MANBA: variants seen among roughly 807,000 people sequenced by gnomAD.
MANBA encodes the protein mannosidase beta.
A neutral mutation model predicts 111.1 loss-of-function variants in MANBA; 83 were observed. That is an observed-to-expected ratio of 0.75 (90% CI 0.63 to 0.90). The LOEUF (loss-of-function observed/expected upper bound fraction) is 0.90. Ranked by LOEUF, MANBA falls within the 40% of genes least tolerant of loss-of-function variation. The pLI, the probability that MANBA is intolerant of heterozygous loss-of-function variation, is 0.00. For synonymous variants in MANBA, 370 were observed against 378.7 expected, an observed-to-expected ratio of 0.98 and a Z score of 0.27; for missense variants, 1,036 against 1,069.0, an observed-to-expected ratio of 0.97 and a Z score of 0.43.
intron 1 of MANBA, among the ~76,000 whole-genome samples, chr4:102,756,796 C>CT (rs1444719425): frequency 1.5e-4 from 9 of 60,952 alleles, no homozygotes; most frequent in African/African-American, 3.4e-4. Context: ...CAGAGACTAT[C>CT]TAAAAAAAAA....
intron 7 of MANBA, among the ~76,000 whole-genome samples, chr4:102,689,359 A>AATAT (rs1192229674): frequency 3.4e-4 from 34 of 100,408 alleles, no homozygotes; most frequent in Non-Finnish European, 4.3e-4. Flanking sequence ...AAAAAAAAAA[A>AATAT]ATATATATAT....
At chr4:102,699,436 A>G (rs896376861) in intron 5 of MANBA, among the ~76,000 whole-genome samples, 198 of 152,060 alleles carry the variant, frequency 1.3e-3, no homozygotes, top group African/African-American at 4.5e-3. Flanking sequence ...GTCTTGTGCC[A>G]GTTTTCAAAG....
intron 1 of MANBA, chr4:102,730,763 T>C: frequency 8.3e-6 from 4 of 482,684 alleles, no homozygotes; most frequent in South Asian, 6.2e-5. Context: ...AATAAGTCTT[T>C]CTGAGTTTCT....
chr4:102,647,214 T>A (rs921637743), intron 13 of MANBA, among the ~76,000 whole-genome samples: 16 of 148,970 alleles, frequency 1.1e-4, no homozygotes, highest in African/African-American at 3.7e-4. Context: ...AATAAAATAA[T>A]CATAATCCTG....
chr4:102,714,115 A>G (rs1422701217), intron 5 of MANBA, among the ~76,000 whole-genome samples: 1 of 152,134 alleles, frequency 6.6e-6, no homozygotes, highest in Non-Finnish European at 1.5e-5. Flanking sequence ...CTACAGAGGC[A>G]GCAAAAAGGA....
intron 1 of MANBA, among the ~76,000 whole-genome samples, chr4:102,733,274 G>T (rs572779243): frequency 6.6e-6 from 1 of 151,974 alleles, no homozygotes; most frequent in African/African-American, 2.4e-5. Flanking sequence ...AACGAAGGAG[G>T]TAGATCCACA....
intron 4 of MANBA, among the ~76,000 whole-genome samples, chr4:102,720,434 CA>C (rs560893385): frequency 0.039 from 3,863 of 98,766 alleles, 118 homozygotes; most frequent in African/African-American, 0.1. Context: ...GACTCAGTCT[CA>C]AAAAAAAAAA....
chr4:102,681,598 G>A (rs1238577945), intron 7 of MANBA: 1 of 152,058 alleles, frequency 6.6e-6, no homozygotes. Context: ...TAAATTTAAA[G>A]CATAAAAATA....
intron 1 of MANBA, among the ~76,000 whole-genome samples, chr4:102,750,286 C>G (rs1723740431): frequency 6.6e-6 from 1 of 151,924 alleles, no homozygotes; most frequent in South Asian, 2.1e-4. Flanking sequence ...ATAAAATGAT[C>G]ACGTAAAGCC....
intron 13 of MANBA, among the ~76,000 whole-genome samples, chr4:102,643,449 T>C (rs1265341775): frequency 2.0e-5 from 3 of 152,190 alleles, no homozygotes; most frequent in Non-Finnish European, 4.4e-5. Context: ...GCAAACTCTA[T>C]GTCTAACTTT....
At chr4:102,693,126 A>C (rs1436355530) in intron 5 of MANBA, among the ~76,000 whole-genome samples, 2 of 152,088 alleles carry the variant, frequency 1.3e-5, no homozygotes. Context: ...GTTTGTTCTG[A>C]TCCAGTTAAT....
At position 102,690,562 on chromosome 4, in the gene MANBA, C is replaced by T. The variant is rs753760192; in HGVS notation, c.849+34G>A. On this transcript the variant is annotated intron_variant, in intron 6 of 16. Coordinates refer to ENST00000647097, the MANE Select transcript of MANBA (RefSeq NM_005908.4). ...TTTCTTTAGCACAGGTATTGCTTTT[C>T]ATCCAGTGCTTCTCAGGAAGTACCA... is the stretch of plus-strand genomic sequence containing the variant. The T allele has an allele frequency of 6.9e-6, 11 of 1,588,800 alleles. No individual in the cohort carries two copies. In the East Asian group the frequency reaches 2.5e-4, roughly 36 times the overall value.
At chr4:102,661,926 C>A (rs761790056) in intron 11 of MANBA, among the ~76,000 whole-genome samples, 4 of 152,134 alleles carry the variant, frequency 2.6e-5, no homozygotes, top group Non-Finnish European at 5.9e-5. Flanking sequence ...GGTACTTTCC[C>A]TTTTTATGAT....
chr4:102,737,774 G>A (rs1031333711), intron 1 of MANBA, among the ~76,000 whole-genome samples: 6 of 152,132 alleles, frequency 3.9e-5, no homozygotes, highest in African/African-American at 7.2e-5. Flanking sequence ...GAGCGACTGC[G>A]CCCGGCCGGG....
chr4:102,675,462 C>T (rs936149547), intron 7 of MANBA, among the ~76,000 whole-genome samples: 3 of 152,152 alleles, frequency 2.0e-5, no homozygotes, highest in African/African-American at 7.2e-5. Context: ...TGTGCTCTTA[C>T]TATTAATAGC....
intron 1 of MANBA, among the ~76,000 whole-genome samples, chr4:102,749,289 T>C (rs560449111): frequency 1.3e-5 from 2 of 152,364 alleles, no homozygotes; most frequent in South Asian, 4.1e-4. Flanking sequence ...GAACAGAATT[T>C]CTAGCTGGAA....
rs147043006 is a variant in MANBA, at chr4:102,691,014, T to A, written c.674-243A>T. On this transcript the variant is annotated intron_variant, in intron 5 of 16. Coordinates refer to ENST00000647097, the MANE Select transcript of MANBA (RefSeq NM_005908.4). ...ACATAGACTTCCACTCTAAAAATGT[T>A]ATGATTGTAAGTCATAAAAACTTTA... 3.0e-4 allele frequency: 47 copies of A among 158,958 alleles called. No homozygotes were observed. In the East Asian group the frequency reaches 8.2e-3, roughly 28 times the overall value. 9.8% of individuals were successfully genotyped at this position (158,958 alleles called of 1,614,324 possible).
At chr4:102,697,975 CA>C (rs1204473923) in intron 5 of MANBA, among the ~76,000 whole-genome samples, 1 of 151,746 alleles carries the variant, frequency 6.6e-6, no homozygotes, top group Admixed American at 6.6e-5. Flanking sequence ...GTCCCACCAA[CA>C]GTGTAAAAGT....
At chr4:102,697,195 C>CT (rs1335084291) in intron 5 of MANBA, among the ~76,000 whole-genome samples, 1 of 152,080 alleles carries the variant, frequency 6.6e-6, no homozygotes, top group Admixed American at 6.6e-5. Flanking sequence ...AACCTACCCT[C>CT]TCTATGGGTA....
Sources: allele counts gnomAD v4.1 joint callset (sites outside exome capture counted in the v4.1 genomes callset), GRCh38; gene constraint gnomAD v4.1.1; transcripts MANE v1.5; gene names NCBI Gene and HGNC (gene_info 2026-07-23, HGNC 2026-07-21).